Variants in CDC42 observed in about 807,000 individuals in gnomAD.
CDC42 encodes the protein cell division cycle 42, also known as cell division control protein 42 homolog.
A neutral mutation model predicts 20.8 loss-of-function variants in CDC42; 1 was observed. That is an observed-to-expected ratio of 0.05 (90% CI 0.02 to 0.23). CDC42 has a LOEUF of 0.23. CDC42 is among the 10% of genes least tolerant of loss of function. The pLI is 1.00. For missense variants in CDC42, 49 were observed against 227.9 expected, an observed-to-expected ratio of 0.21 and a Z score of 5.05; for synonymous variants, 72 against 84.8, an observed-to-expected ratio of 0.85 and a Z score of 0.83.
At chr1:22,086,008 G>C (rs1415985320) in intron 3 of CDC42, among the ~76,000 whole-genome samples, 7 of 152,210 alleles carry the variant, frequency 4.6e-5, no homozygotes, top group African/African-American at 1.7e-4. Context: ...ACCACACCCG[G>C]CTAATTTTTA....
rs569283037 is a variant in CDC42 at position 22,090,819 on chromosome 1, G to A, written c.487-609G>A. ...ACCGTTTGTATAAATGCCTGATGAA[G>A]CTTTATTCCTGTTGCACTGACTGGC... On this transcript the variant is annotated intron_variant, in intron 5 of 5. Coordinates refer to ENST00000656825, the MANE Select transcript of CDC42 (RefSeq NM_001791.4). 13 of 984,942 alleles carry A rather than the reference G, an allele frequency of 1.3e-5. No individual in the cohort carries two copies. In the East Asian group the frequency reaches 4.5e-4, roughly 34 times the overall value. The allele number at this position is 984,942 out of a possible 1,614,324, so 61.0% of individuals were successfully genotyped here. A position where few individuals can be genotyped will look rare whatever the true frequency, so the allele number is the denominator to read the frequency against.
At chr1:22,054,375 C>T (rs1162021224) in intron 1 of CDC42, among the ~76,000 whole-genome samples, 1 of 151,934 alleles carries the variant, frequency 6.6e-6, no homozygotes, top group Admixed American at 6.6e-5. Context: ...ACCACCATGC[C>T]CCGCTAATTT....
At chr1:22,054,906 TATATATATATATATA>T (rs200816815) in intron 1 of CDC42, among the ~76,000 whole-genome samples, 1,673 of 18,164 alleles carry the variant, frequency 0.092, 30 homozygotes, top group East Asian at 0.3. Flanking sequence ...TATATATATA[TATATATATATATATA>T]TTTTTTTTTT....
At chr1:22,070,443 C>CTTTTTTTTTTT (rs567184632) in intron 1 of CDC42, among the ~76,000 whole-genome samples, 1 of 60,306 alleles carries the variant, frequency 1.7e-5, no homozygotes, top group Non-Finnish European at 2.9e-5. Flanking sequence ...GCCTTTGCCT[C>CTTTTTTTTTTT]TTTTTTTTTT....
chr1:22,084,039 T>G (rs1645634641), intron 3 of CDC42, among the ~76,000 whole-genome samples: 1 of 152,208 alleles, frequency 6.6e-6, no homozygotes, highest in Admixed American at 6.5e-5. Context: ...TGTTTATCCA[T>G]TAACAAGTTG....
At position 22,096,129 on chromosome 1, in the gene CDC42, T is replaced by C. The variant is rs1311197167; in HGVS notation, c.*4612T>C. Among the ~76,000 whole-genome samples the C allele has an allele frequency of 2.0e-5, 3 of 151,368 alleles. No individual in the cohort carries two copies. Among genetic ancestry groups the C allele is most frequent in the Admixed American group, 6.6e-5 (1 of 15,214 alleles). ...TGTCTGCCACTGCGCCCGGCTAATT[T>C]TTTGTATTTTTAAGGGAGACTGGGT... On this transcript the variant is annotated 3_prime_UTR_variant, in exon 6 of 6. Coordinates refer to ENST00000656825, the MANE Select transcript of CDC42 (RefSeq NM_001791.4).
chr1:22,055,622 T>C (rs1408158552), intron 1 of CDC42, among the ~76,000 whole-genome samples: 1 of 151,876 alleles, frequency 6.6e-6, no homozygotes, highest in African/African-American at 2.4e-5. Context: ...CTGCAGTAGC[T>C]GGGACTACGG....
In CDC42 at chr1:22,054,921, ATTTTTTTTTTTTTTTTTTTTTTTT is replaced by A. The variant is rs1180547322; in HGVS notation, c.-51+2206_-51+2229del. Among the ~76,000 whole-genome samples the A allele has an allele frequency of 6.0e-3, 115 of 19,294 alleles. 2 individuals carry two copies. The highest frequency in any genetic ancestry group is 7.7e-3 in the African/African-American group (37 of 4,800). The allele number at this position is 19,294 out of a possible 152,430, so 12.7% of individuals were successfully genotyped here. ...TATATATATATATATATATATATAT[ATTTTTTTTTTTTTTTTTTTTTTTT>A]TTTTTTTTTTTTTTTTTTTTTTTTT... On this transcript the variant is annotated intron_variant, in intron 1 of 5. Transcript: ENST00000656825.
chr1:22,089,993 T>C lies in CDC42; in HGVS notation c.487-1435T>C, dbSNP rs770140129. 80 of 1,613,912 alleles carry C rather than the reference T, an allele frequency of 5.0e-5. No individual in the cohort carries two copies. The South Asian group carries it at 8.2e-4, about 17-fold the overall frequency. On this transcript the variant is annotated intron_variant, in intron 5 of 5. Coordinates refer to ENST00000656825, the MANE Select transcript of CDC42 (RefSeq NM_001791.4). ...AGGCTATCCTAGCTGCCCTCGAGCCTCCGGAAACTCAACCCAAAAGGAAGT... is the reference window on the plus strand; with the variant it reads ...AGGCTATCCTAGCTGCCCTCGAGCCCCCGGAAACTCAACCCAAAAGGAAGT...
intron 5 of CDC42, among the ~76,000 whole-genome samples, chr1:22,088,318 C>T (rs1221077877): frequency 6.6e-6 from 1 of 152,066 alleles, no homozygotes; most frequent in East Asian, 1.9e-4. Flanking sequence ...ACACATAGGC[C>T]CTGTGGATTC....
chr1:22,061,321 T>C (rs1019418785), intron 1 of CDC42, among the ~76,000 whole-genome samples: 2 of 150,348 alleles, frequency 1.3e-5, no homozygotes, highest in Non-Finnish European at 3.0e-5. Flanking sequence ...GGCAGGAGAA[T>C]CGCTTGAACC....
At chr1:22,058,481 T>TA (rs1179248956) in intron 1 of CDC42, among the ~76,000 whole-genome samples, 1 of 83,924 alleles carries the variant, frequency 1.2e-5, no homozygotes, top group East Asian at 4.1e-4. Flanking sequence ...ATGTGTTATT[T>TA]AAAGTTTTTT....
chr1:22,064,959 A>G (rs1002304479), intron 1 of CDC42, among the ~76,000 whole-genome samples: 1 of 152,132 alleles, frequency 6.6e-6, no homozygotes, highest in African/African-American at 2.4e-5. Context: ...GCATTCTGGG[A>G]TTACAGGCGT....
intron 1 of CDC42, among the ~76,000 whole-genome samples, chr1:22,060,709 A>T (rs1645353525): frequency 6.6e-6 from 1 of 152,182 alleles, no homozygotes; most frequent in Non-Finnish European, 1.5e-5. Flanking sequence ...CTTTACTAGT[A>T]TTTGTTTCAT....
rs1475913688 is a variant in CDC42 at position 22,095,623 on chromosome 1, T to TA, written c.*4114dup. ...GTCTTTTTTCAAAGTGCCTCCACCT[T>TA]AAAAAAAATTCCTTATTTTATTCAC... On this transcript the variant is annotated 3_prime_UTR_variant, in exon 6 of 6. Coordinates refer to ENST00000656825, the MANE Select transcript of CDC42 (RefSeq NM_001791.4). Among the ~76,000 whole-genome samples, 2 of 152,098 alleles carry TA rather than the reference T, an allele frequency of 1.3e-5. No homozygotes were observed. The highest frequency in any genetic ancestry group is 2.9e-5 in the Non-Finnish European group (2 of 68,016).
chr1:22,070,198 A>C (rs1467410367), intron 1 of CDC42, among the ~76,000 whole-genome samples: 1 of 152,194 alleles, frequency 6.6e-6, no homozygotes, highest in African/African-American at 2.4e-5. Flanking sequence ...ATAAATAGTA[A>C]CTTCTCTTAA....
intron 2 of CDC42, among the ~76,000 whole-genome samples, chr1:22,080,044 AT>A (rs1360478485): frequency 6.6e-6 from 1 of 152,226 alleles, no homozygotes; most frequent in Admixed American, 6.5e-5. Flanking sequence ...TGTAGAATGC[AT>A]TTAAGTTCCC....
intron 1 of CDC42, among the ~76,000 whole-genome samples, chr1:22,065,149 C>T (rs1469958572): frequency 6.6e-6 from 1 of 152,208 alleles, no homozygotes; most frequent in East Asian, 1.9e-4. Flanking sequence ...CAAAATCACA[C>T]AAGAATGGGA....
chr1:22,098,000 A>ATAG lies in CDC42; in HGVS notation c.*6484_*6486dup, dbSNP rs1446902628. ...ATAGCATTTTCTCAACCCTATTACA[A>ATAG]TAGAGCACAGGATCATAACTGTTCT... On this transcript the variant is annotated 3_prime_UTR_variant, in exon 6 of 6. Transcript: ENST00000656825. Among the ~76,000 whole-genome samples, 1 of 152,064 alleles carries ATAG rather than the reference A, an allele frequency of 6.6e-6. No homozygotes were observed. The highest frequency in any genetic ancestry group is 2.4e-5 in the African/African-American group (1 of 41,416).
Sources: allele counts gnomAD v4.1 joint callset (sites outside exome capture counted in the v4.1 genomes callset), GRCh38; gene constraint gnomAD v4.1.1; transcripts MANE v1.5; gene names NCBI Gene and HGNC (gene_info 2026-07-23, HGNC 2026-07-21).